The following MICU2 variants were observed in gnomAD, a reference collection of about 807,000 sequenced individuals.
MICU2 encodes mitochondrial calcium uptake 2.
A neutral mutation model predicts 60.4 loss-of-function variants in MICU2; 64 were observed. The observed-to-expected ratio is 1.06, with a 90% confidence interval of 0.87 to 1.31. The LOEUF (loss-of-function observed/expected upper bound fraction) is 1.31. MICU2 is among the 50% of genes most tolerant of loss of function. The pLI, the probability that MICU2 is intolerant of heterozygous loss-of-function variation, is 0.00. For missense variants in MICU2, 569 were observed against 531.0 expected, an observed-to-expected ratio of 1.07 and a Z score of -0.70; for synonymous variants, 201 against 175.0, an observed-to-expected ratio of 1.15 and a Z score of -1.17.
intron 8 of MICU2, 95 bp from the exon 9 acceptor site, chr13:21,503,192 T>C (rs1593314920): frequency 1.2e-6 from 1 of 842,284 alleles, no homozygotes; most frequent in African/African-American, 1.7e-5. Flanking sequence ...TATTACCTAC[T>C]GAGTGGCTGC....
chr13:21,570,418 T>C (rs1020427109), intron 1 of MICU2, among the ~76,000 whole-genome samples: 17 of 152,238 alleles, frequency 1.1e-4, no homozygotes, highest in African/African-American at 3.6e-4. Context: ...CTTTTATTCA[T>C]CTGTCAGGCT....
At chr13:21,543,293 T>C (rs1381183545) in intron 2 of MICU2, among the ~76,000 whole-genome samples, 1 of 152,130 alleles carries the variant, frequency 6.6e-6, no homozygotes, top group Non-Finnish European at 1.5e-5. Context: ...ACCCCTTTTA[T>C]TCAACATAGA....
Position 21,604,113 on chromosome 13 carries a change from C to A in MICU2, c.36G>T (p.Ala12=). 1.9e-6 allele frequency: 3 copies of A among 1,579,558 alleles called. No individual in the cohort carries two copies. The highest frequency in any genetic ancestry group is 1.1e-5 in the South Asian group (1 of 87,474). The change falls in exon 1 of 12, where the codon GCG becomes GCT. Residue 12 remains alanine, a synonymous_variant. Coordinates refer to ENST00000382374, the MANE Select transcript of MICU2 (RefSeq NM_152726.3). ...CCCGTCGCAGTTTTCCGCCCCAGGC[C>A]GCCACCCGCGCGCAGCTACCCGCAG... ...AAAAGSCARV[A]AWGGKLRRGL...
intron 2 of MICU2, among the ~76,000 whole-genome samples, chr13:21,546,320 C>CAA (rs1887418356): frequency 6.9e-6 from 1 of 145,394 alleles, no homozygotes; most frequent in Non-Finnish European, 1.5e-5. Flanking sequence ...TTTGCAACCT[C>CAA]AAGCATTGTG....
chr13:21,501,273 T>C (rs1454379775), intron 9 of MICU2, among the ~76,000 whole-genome samples: 1 of 152,146 alleles, frequency 6.6e-6, no homozygotes, highest in African/African-American at 2.4e-5. Flanking sequence ...AAAGTCTTTT[T>C]TTTTTTTGAC....
At chr13:21,600,922 G>C (rs965208406) in intron 1 of MICU2, among the ~76,000 whole-genome samples, 1 of 152,022 alleles carries the variant, frequency 6.6e-6, no homozygotes, top group Non-Finnish European at 1.5e-5. Context: ...TCAGGCCCCC[G>C]AGTGGCTGGG....
chr13:21,593,648 T>C (rs1179312431), intron 1 of MICU2, among the ~76,000 whole-genome samples: 1 of 142,806 alleles, frequency 7.0e-6, no homozygotes, highest in Non-Finnish European at 1.5e-5. Flanking sequence ...AAGGCTACAG[T>C]AACCAAAACA....
chr13:21,549,225 A>C (rs1323834968), intron 2 of MICU2, among the ~76,000 whole-genome samples: 1 of 152,066 alleles, frequency 6.6e-6, no homozygotes, highest in Non-Finnish European at 1.5e-5. Flanking sequence ...TAGCGTGCCC[A>C]GCTGACAAGC....
intron 3 of MICU2, 42 bp downstream of exon 3, chr13:21,539,615 C>G (rs1397410918): frequency 6.2e-7 from 1 of 1,613,578 alleles, no homozygotes; most frequent in Non-Finnish European, 8.5e-7. Flanking sequence ...CATTTTCTAT[C>G]TTACCAAAAA....
intron 2 of MICU2, among the ~76,000 whole-genome samples, chr13:21,548,221 A>G (rs747444761): frequency 2.0e-5 from 3 of 152,244 alleles, no homozygotes; most frequent in African/African-American, 7.2e-5. Context: ...CACATAATGC[A>G]TGGTCTCAAC....
chr13:21,529,488 G>A lies in MICU2; in HGVS notation c.467-6838C>T, dbSNP rs554897270. Among the ~76,000 whole-genome samples, 239 of 152,304 alleles carry A rather than the reference G, an allele frequency of 1.6e-3. 1 individual carries two copies. The highest frequency in any genetic ancestry group is 6.8e-3 in the Middle Eastern group (2 of 294). ...GAGATTTGGGAGTCATCTCATGAAT[G>A]CTAAAACCAAGGAGGCTGAAGAAGA... On this transcript the variant is annotated intron_variant, in intron 4 of 11. Coordinates refer to ENST00000382374, the MANE Select transcript of MICU2 (RefSeq NM_152726.3).
intron 2 of MICU2, among the ~76,000 whole-genome samples, chr13:21,549,499 C>T (rs977747783): frequency 1.2e-4 from 18 of 152,100 alleles, no homozygotes; most frequent in African/African-American, 2.9e-4. Context: ...AACTCTGGCA[C>T]GTGCACCATA....
chr13:21,600,216 A>G (rs1266841170), intron 1 of MICU2, among the ~76,000 whole-genome samples: 1 of 152,164 alleles, frequency 6.6e-6, no homozygotes, highest in Non-Finnish European at 1.5e-5. Context: ...TCTGATTCCC[A>G]GCCATTGCTC....
At chr13:21,545,205 GA>G (rs1887385932) in intron 2 of MICU2, among the ~76,000 whole-genome samples, 1 of 152,078 alleles carries the variant, frequency 6.6e-6, no homozygotes, top group Non-Finnish European at 1.5e-5. Context: ...AACAACAGAT[GA>G]AGAACAGATA....
chr13:21,519,902 A>G (rs977068886), intron 6 of MICU2, among the ~76,000 whole-genome samples: 11 of 152,202 alleles, frequency 7.2e-5, no homozygotes, highest in African/African-American at 2.2e-4. Context: ...TTTCAGGATC[A>G]TGCACCGGAT....
At chr13:21,599,914 T>C (rs930206210) in intron 1 of MICU2, among the ~76,000 whole-genome samples, 2 of 152,226 alleles carry the variant, frequency 1.3e-5, no homozygotes, top group African/African-American at 4.8e-5. Flanking sequence ...CGAAAATATC[T>C]GAGATTTCTG....
chr13:21,495,699 C>A, intron 10 of MICU2: 1 of 210,416 alleles, frequency 4.8e-6, no homozygotes, highest in Non-Finnish European at 9.4e-6. Context: ...CCACGCCCAG[C>A]TAGTTTTTGT....
rs1888903872 is a variant in MICU2 at position 21,604,131 on chromosome 13, A to T, written c.18T>A (p.Gly6=). Residue 6 remains glycine (G), a synonymous_variant, in exon 1 of 12, where the codon GGT becomes GGA. Transcript: ENST00000382374. MAAAA[G]SCARVAAWGG... The stretch of plus-strand genomic sequence containing the variant: ...CCCAGGCCGCCACCCGCGCGCAGCT[A>T]CCCGCAGCCGCCGCCATCTTTGCGG... 2 of 1,564,234 alleles carry T rather than the reference A, an allele frequency of 1.3e-6. No individual in the cohort carries two copies. The highest frequency in any genetic ancestry group is 1.7e-6 in the Non-Finnish European group (2 of 1,157,674).
chr13:21,518,121 A>G (rs9552442), intron 6 of MICU2, among the ~76,000 whole-genome samples: 34,036 of 152,184 alleles, frequency 0.22, 4,747 homozygotes, highest in East Asian at 0.66. Flanking sequence ...TCCAACATTT[A>G]TGGAGATATC....
Sources: allele counts gnomAD v4.1 joint callset (sites outside exome capture counted in the v4.1 genomes callset), GRCh38; gene constraint gnomAD v4.1.1; transcripts MANE v1.5; gene names NCBI Gene and HGNC (gene_info 2026-07-23, HGNC 2026-07-21).